IQGAP2: variants seen among roughly 807,000 people sequenced by gnomAD.
IQGAP2 encodes the protein IQ motif containing GTPase activating protein 2, also known as ras GTPase-activating-like protein IQGAP2.
IQGAP2 carries 173 observed loss-of-function variants against 201.3 expected under a neutral mutation model. That is an observed-to-expected ratio of 0.86 (90% CI 0.76 to 0.98). IQGAP2 has a LOEUF of 0.98. IQGAP2 is among the 50% of genes least tolerant of loss of function. The probability of loss-of-function intolerance (pLI) is 0.00; values close to 1 mark genes in which losing one functional copy is unlikely to be tolerated. For missense variants in IQGAP2, 1,687 were observed against 1,864.8 expected (o/e 0.90, Z 1.76); for synonymous variants, 675 against 673.9 (o/e 1.00, Z -0.03).
chr5:76,504,904 G>T (rs894004404), intron 2 of IQGAP2, among the ~76,000 whole-genome samples: 4 of 152,120 alleles, frequency 2.6e-5, no homozygotes, highest in African/African-American at 9.7e-5. Context: ...CTGATTTCCA[G>T]CTGTCCCTCT....
intron 2 of IQGAP2, among the ~76,000 whole-genome samples, chr5:76,559,136 C>T (rs1423667150): frequency 6.6e-6 from 1 of 152,128 alleles, no homozygotes; most frequent in African/African-American, 2.4e-5. Context: ...CTCCTGACCT[C>T]GTGATCCGCC....
chr5:76,572,836 A>G (rs1038855554), intron 4 of IQGAP2, among the ~76,000 whole-genome samples: 13 of 152,336 alleles, frequency 8.5e-5, no homozygotes, highest in South Asian at 6.2e-4. Flanking sequence ...CCAGGTGTGC[A>G]GTGAAAAACA....
At chr5:76,479,081 C>T (rs533795450) in intron 2 of IQGAP2, among the ~76,000 whole-genome samples, 23 of 152,158 alleles carry the variant, frequency 1.5e-4, no homozygotes, top group Admixed American at 9.2e-4. Flanking sequence ...CCTTTTACAC[C>T]GCCTCCGCCT....
At chr5:76,581,778 T>C (rs558488300) in intron 5 of IQGAP2, among the ~76,000 whole-genome samples, 2 of 152,320 alleles carry the variant, frequency 1.3e-5, no homozygotes, top group South Asian at 4.1e-4. Flanking sequence ...GAACCCTGGA[T>C]TTTGATATGA....
chr5:76,413,961 A>G (rs945716913), intron 1 of IQGAP2, among the ~76,000 whole-genome samples: 22 of 152,210 alleles, frequency 1.4e-4, no homozygotes, highest in Admixed American at 1.3e-3. Flanking sequence ...GGGTTCACCT[A>G]ACGTCCCTCA....
At chr5:76,546,499 G>A (rs1743105364) in intron 2 of IQGAP2, among the ~76,000 whole-genome samples, 1 of 152,076 alleles carries the variant, frequency 6.6e-6, no homozygotes, top group Non-Finnish European at 1.5e-5. Context: ...GTTGCCATAG[G>A]AATTGATATA....
Position 76,538,249 on chromosome 5 carries a change from G to A in IQGAP2, c.147-24147G>A, listed in dbSNP as rs138627507. 7.2e-3 allele frequency among the ~76,000 whole-genome samples: 1,091 copies of A among 152,258 alleles called. 19 individuals are homozygous for A. The highest frequency in any genetic ancestry group is 0.025 in the African/African-American group (1,041 of 41,548). ...CACGAGAACAGCACAAGAAAGACCC[G>A]CCTCCATGATCCAATTACCTTCCAC... On this transcript the variant is annotated intron_variant, in intron 2 of 35. Coordinates refer to ENST00000274364, the MANE Select transcript of IQGAP2 (RefSeq NM_006633.5).
chr5:76,436,517 A>ATATATATTTT (rs1561370303), intron 1 of IQGAP2, among the ~76,000 whole-genome samples: 1 of 21,042 alleles, frequency 4.8e-5, no homozygotes, highest in African/African-American at 3.1e-4. Context: ...ATATATATAT[A>ATATATATTTT]TTTTTTTTTT....
chr5:76,426,978 A>G (rs1036587546), intron 1 of IQGAP2, among the ~76,000 whole-genome samples: 4 of 150,732 alleles, frequency 2.7e-5, no homozygotes, highest in Non-Finnish European at 5.9e-5. Flanking sequence ...TGCATAGTGG[A>G]GTGATCAGTA....
chr5:76,540,397 G>A (rs1278452647), intron 2 of IQGAP2, among the ~76,000 whole-genome samples: 12 of 152,148 alleles, frequency 7.9e-5, no homozygotes, highest in Admixed American at 7.9e-4. Flanking sequence ...ATCATCCAGG[G>A]GAAGAGGAGT....
At position 76,403,687 on chromosome 5, in the gene IQGAP2, C is replaced by A; in HGVS notation, c.46+96C>A. The A allele has an allele frequency of 1.8e-6, 2 of 1,114,568 alleles. No homozygotes were observed. The highest frequency in any genetic ancestry group is 1.8e-5 in the South Asian group (1 of 54,868). The allele number at this position is 1,114,568 out of a possible 1,614,324, so 69.0% of individuals were successfully genotyped here. On this transcript the variant is annotated intron_variant, in intron 1 of 35. Transcript: ENST00000274364. This position sits in a 1 kb window ranked among gnomAD's most constrained non-coding sequence, Gnocchi z 4.8. ...AGCCGAGGGAGCCGGTTGCGCGGCG[C>A]AGAGGAAATTGGAAGGCAGCAACTG...
intron 17 of IQGAP2, 65 bp downstream of exon 17, chr5:76,641,168 T>G: frequency 7.8e-7 from 1 of 1,274,248 alleles, no homozygotes; most frequent in Non-Finnish European, 1.1e-6. Context: ...TTTTATTTGA[T>G]AATAGAATAG....
At chr5:76,652,904 A>T in intron 18 of IQGAP2, 71 bp downstream of exon 18, 1 of 1,001,488 alleles carries the variant, frequency 1.0e-6, no homozygotes, top group Non-Finnish European at 1.6e-6. Flanking sequence ...TTAATCTGAA[A>T]GACAGCTATA....
At chr5:76,493,060 C>A (rs1347020853) in intron 2 of IQGAP2, among the ~76,000 whole-genome samples, 1 of 152,128 alleles carries the variant, frequency 6.6e-6, no homozygotes, top group Non-Finnish European at 1.5e-5. Context: ...AGTCACTTAA[C>A]CGGACATCTC....
intron 21 of IQGAP2, chr5:76,660,245 A>C (rs1302262916): frequency 6.6e-6 from 1 of 152,190 alleles, no homozygotes; most frequent in Non-Finnish European, 1.5e-5. Flanking sequence ...TGTGGAGGAG[A>C]AAATAAGAAA....
At position 76,403,374 on chromosome 5, in the gene IQGAP2, C is replaced by A; in HGVS notation, c.-172C>A. 2.3e-6 allele frequency: 1 copy of A among 435,252 alleles called. No individual in the cohort carries two copies. The highest frequency in any genetic ancestry group is 3.9e-6 in the Non-Finnish European group (1 of 257,844). The allele number at this position is 435,252 out of a possible 1,614,324, so 27.0% of individuals were successfully genotyped here. On this transcript the variant is annotated 5_prime_UTR_variant, in exon 1 of 36. The change creates a new upstream start codon in the 5' untranslated region. Coordinates refer to ENST00000274364, the MANE Select transcript of IQGAP2 (RefSeq NM_006633.5). The surrounding 1 kb of genome is among the most constrained non-coding windows in gnomAD (Gnocchi z 4.8). ...CAGTGTCAGCGCGCGGCGGCCGTGG[C>A]TGGCTCTGGCGAGAGAGCACCGAGG...
intron 35 of IQGAP2, among the ~76,000 whole-genome samples, chr5:76,702,996 T>G (rs1165949978): frequency 1.4e-5 from 2 of 139,218 alleles, no homozygotes; most frequent in East Asian, 4.7e-4. Context: ...AGAATGGTTT[T>G]TCTTTTTTGT....
Position 76,643,964 on chromosome 5 carries a change from A to G in IQGAP2, c.2094+2861A>G, listed in dbSNP as rs116329406. ...GGAGAGGGAGAAGAGGTAAATGTTT[A>G]GGGCTTTCTTGGCTAACCGAGATCA... On this transcript the variant is annotated intron_variant, in intron 17 of 35. Transcript: ENST00000274364. Among the ~76,000 whole-genome samples the G allele has an allele frequency of 8.4e-3, 1,269 of 151,456 alleles. 11 individuals carry two copies. Among genetic ancestry groups the G allele is most frequent in the African/African-American group, 0.029 (1,189 of 41,262 alleles).
intron 1 of IQGAP2, among the ~76,000 whole-genome samples, chr5:76,420,981 T>TA (rs1751702564): frequency 6.6e-6 from 1 of 152,240 alleles, no homozygotes; most frequent in Non-Finnish European, 1.5e-5. Flanking sequence ...CATTGATTGA[T>TA]ACTTGGGTTA....
Sources: gnomAD v4.1 joint callset for allele counts (sites outside exome capture counted in the v4.1 genomes callset) on GRCh38, gnomAD v4.1.1 for gene constraint, Gnocchi (gnomAD v3.1) non-coding constraint, MANE v1.5 for transcripts, NCBI Gene and HGNC (gene_info 2026-07-23, HGNC 2026-07-21) for gene names.